NLRP7: variants seen among roughly 807,000 people sequenced by gnomAD.
NLRP7 encodes NACHT, LRR and PYD domains-containing protein 7.
NLRP7 carries 72 observed loss-of-function variants against 85.5 expected under a neutral mutation model. That is an observed-to-expected ratio of 0.84 (90% confidence interval 0.70 to 1.02). The LOEUF (loss-of-function observed/expected upper bound fraction) is 1.02. Ranked by LOEUF, NLRP7 falls within the 50% of genes least tolerant of loss-of-function variation. The pLI is 0.00. For missense variants in NLRP7, 1,243 were observed against 1,219.5 expected (o/e 1.02, Z -0.29); for synonymous variants, 550 against 505.2 (o/e 1.09, Z -1.19).
chr19:54,940,237 G>A, exon 4 of NLRP7: 9 of 1,614,204 alleles, frequency 5.6e-6, no homozygotes, highest in South Asian at 1.1e-5. Flanking sequence ...AGTCTGTCCA[G>A]TCCAGCATAC....
intron 1 of NLRP7, among the ~76,000 whole-genome samples, chr19:54,959,503 C>G (rs1568437960): frequency 1.3e-5 from 2 of 151,512 alleles, no homozygotes; most frequent in South Asian, 4.2e-4. Context: ...GACGGTTTCT[C>G]TCTTCCCTCA....
intron 9 of NLRP7, 88 bp from the exon 11 acceptor site, chr19:54,923,960 C>T: frequency 6.9e-7 from 1 of 1,453,676 alleles, no homozygotes. Context: ...ACACTCAAAG[C>T]AGGAAACGTT....
At chr19:54,959,289 C>T (rs1434841928) in intron 1 of NLRP7, among the ~76,000 whole-genome samples, 1 of 150,898 alleles carries the variant, frequency 6.6e-6, no homozygotes, top group African/African-American at 2.4e-5. Context: ...CAGGCGCACG[C>T]CACCATGCCC....
intron 1 of NLRP7, among the ~76,000 whole-genome samples, chr19:54,963,531 T>C (rs1422648211): frequency 1.4e-5 from 2 of 147,808 alleles, no homozygotes; most frequent in Non-Finnish European, 3.0e-5. Context: ...CTACTAAAAA[T>C]ACAAAAAAAA....
intron 1 of NLRP7, among the ~76,000 whole-genome samples, chr19:54,959,441 T>TG (rs933608624): frequency 6.7e-6 from 1 of 148,480 alleles, no homozygotes; most frequent in African/African-American, 2.5e-5. Flanking sequence ...CCGGCCTCCT[T>TG]GTTTTTTTTC....
intron 8 of NLRP7, among the ~76,000 whole-genome samples, chr19:54,933,118 G>A (rs1417102950): frequency 3.3e-5 from 5 of 151,782 alleles, no homozygotes; most frequent in Admixed American, 3.3e-4. Context: ...ATATTAACAT[G>A]TTTCTACCTG....
intron 9 of NLRP7, 64 bp downstream of exon 10, chr19:54,927,541 G>A: frequency 6.6e-7 from 1 of 1,524,050 alleles, no homozygotes; most frequent in Non-Finnish European, 9.0e-7. Context: ...GAATGACAGA[G>A]CACGACTCCA....
upstream of NLRP7, among the ~76,000 whole-genome samples, chr19:54,951,551 C>CA (rs1365487871): frequency 1.3e-5 from 2 of 150,980 alleles, no homozygotes; most frequent in Non-Finnish European, 2.9e-5. Flanking sequence ...GACTCCATCT[C>CA]AAAAAACAAA....
chr19:54,938,634 G>A (rs1053305560), intron 4 of NLRP7, among the ~76,000 whole-genome samples: 1 of 152,194 alleles, frequency 6.6e-6, no homozygotes, highest in Admixed American at 6.5e-5. Context: ...GCTGAGGCAG[G>A]AGAATCACTT....
At chr19:54,946,498 T>C (rs2069481223) in intron 1 of NLRP7, among the ~76,000 whole-genome samples, 3 of 131,874 alleles carry the variant, frequency 2.3e-5, no homozygotes, top group East Asian at 2.1e-4. Flanking sequence ...CCCAGCCTAC[T>C]TTTTTTTTTT....
chr19:54,953,531 T>A (rs969898396), intron 1 of NLRP7, among the ~76,000 whole-genome samples: 12 of 149,416 alleles, frequency 8.0e-5, no homozygotes, highest in African/African-American at 3.1e-4. Context: ...CCGGGCTGTC[T>A]GCTTGTGGAT....
Position 54,934,406 on chromosome 19 carries a change from T to TG in NLRP7, c.2471+82dup. ...ATTTCAGCAAGAGGCGCCACGTGGG[T>TG]GGCGCAGTAAGTCAGGTGTTACCCT... On this transcript the variant is annotated intron_variant, in intron 7 of 9. Transcript: ENST00000340844. This position sits in a 1 kb window ranked among gnomAD's most constrained non-coding sequence, Gnocchi z 6.7. 1.5e-6 allele frequency: 2 copies of TG among 1,366,688 alleles called. No individual in the cohort carries two copies. Among genetic ancestry groups the TG allele is most frequent in the Non-Finnish European group, 1.0e-6 (1 of 953,590 alleles). The allele number at this position is 1,366,688 out of a possible 1,614,324, so 84.7% of individuals were successfully genotyped here. A position where few individuals can be genotyped will look rare whatever the true frequency, so the allele number is the denominator to read the frequency against.
At chr19:54,927,721 G>A (rs375946761) in intron 9 of NLRP7, 15 of 1,613,946 alleles carry the variant, frequency 9.3e-6, no homozygotes, top group Non-Finnish European at 1.3e-5. Flanking sequence ...GATTGCTGAG[G>A]AGAGCAGATC....
At position 54,936,351 on chromosome 19, in the gene NLRP7, G is replaced by A. The variant is rs749789835; in HGVS notation, c.2210C>T (p.Thr737Ile). 9.9e-6 allele frequency: 16 copies of A among 1,613,912 alleles called. No homozygotes were observed. The South Asian group carries it at 1.4e-4, about 14-fold the overall frequency. The change falls in exon 6 of 10, where the codon ACC (threonine) becomes ATC (isoleucine). Residue 737 changes from threonine to isoleucine, a missense_variant. Transcript: ENST00000340844. ...TTCCCACTCGATGTGCCCTGCCAGG[G>A]TCAGGTGCGTGAGGGTCTTCTTCCC...
At chr19:54,961,507 T>A (rs1324242186) in intron 1 of NLRP7, among the ~76,000 whole-genome samples, 1 of 141,514 alleles carries the variant, frequency 7.1e-6, no homozygotes, top group African/African-American at 2.6e-5. Context: ...TCTAAATAAA[T>A]AAATAAATAA....
intron 1 of NLRP7, among the ~76,000 whole-genome samples, chr19:54,958,535 C>T (rs1423282503): frequency 1.3e-5 from 2 of 152,016 alleles, no homozygotes; most frequent in African/African-American, 2.4e-5. Context: ...ATCCCAGCTA[C>T]TCTGGAGGCT....
chr19:54,953,810 G>A (rs1229156746), intron 1 of NLRP7, among the ~76,000 whole-genome samples: 1 of 151,036 alleles, frequency 6.6e-6, no homozygotes, highest in Middle Eastern at 3.2e-3. Context: ...AGACCATCCT[G>A]GCTAACACGG....
Position 54,940,249 on chromosome 19 carries a change from CT to C in NLRP7, c.569del (p.Lys190SerfsTer37). On this transcript the variant is annotated frameshift_variant, in exon 4 of 10. Coordinates refer to ENST00000340844, the Ensembl canonical transcript of NLRP7. LOFTEE classifies it high-confidence loss of function. The stretch of plus-strand genomic sequence containing the variant: ...TGCAGTCTGTCCAGTCCAGCATACA[CT>C]TTTTGGCCAGCGTGGTTTTCCCCAC... The C allele has an allele frequency of 1.2e-6, 2 of 1,614,200 alleles. No homozygotes were observed. Among genetic ancestry groups the C allele is most frequent in the Non-Finnish European group, 1.7e-6 (2 of 1,180,032 alleles).
upstream of NLRP7, among the ~76,000 whole-genome samples, chr19:54,949,642 A>T (rs1218713196): frequency 6.6e-6 from 1 of 152,012 alleles, no homozygotes; most frequent in Admixed American, 6.6e-5. Flanking sequence ...AGTGCGAGGG[A>T]CTGGCTGCCA....
Sources: gnomAD v4.1 joint callset for allele counts (sites outside exome capture counted in the v4.1 genomes callset) on GRCh38, gnomAD v4.1.1 for gene constraint, Gnocchi (gnomAD v3.1) non-coding constraint, MANE v1.5 for transcripts, NCBI Gene and HGNC (gene_info 2026-07-23, HGNC 2026-07-21) for gene names.